STAU2: variants seen among roughly 807,000 people sequenced by gnomAD.
STAU2 encodes the protein staufen double-stranded RNA binding protein 2.
In STAU2, 20 loss-of-function variants were observed where a neutral mutation model predicts 65.9. That is an observed-to-expected ratio of 0.30 (90% confidence interval 0.21 to 0.44). The LOEUF is 0.44. Ranked by LOEUF, STAU2 falls within the 20% of genes least tolerant of loss-of-function variation. STAU2 has a pLI of 1.00. For synonymous variants in STAU2, 232 were observed against 233.9 expected (o/e 0.99, Z 0.07); for missense variants, 558 against 683.9 (o/e 0.82, Z 2.05).
At chr8:73,433,404 C>T (rs1034019443) in intron 13 of STAU2, among the ~76,000 whole-genome samples, 1 of 151,458 alleles carries the variant, frequency 6.6e-6, no homozygotes, top group Admixed American at 6.6e-5. Context: ...TGGGGTTTCA[C>T]CATGTTGGCC....
chr8:73,573,430 A>T (rs958620843), intron 12 of STAU2, among the ~76,000 whole-genome samples: 1 of 152,238 alleles, frequency 6.6e-6, no homozygotes, highest in African/African-American at 2.4e-5. Context: ...ACCAAAAAAG[A>T]GCCTGCATTG....
intron 12 of STAU2, among the ~76,000 whole-genome samples, chr8:73,559,399 C>A (rs894304136): frequency 6.6e-6 from 1 of 152,230 alleles, no homozygotes; most frequent in Admixed American, 6.5e-5. Context: ...TGAGGATAAG[C>A]AGGGCTGGCA....
chr8:73,667,570 C>G (rs903401235), intron 6 of STAU2, among the ~76,000 whole-genome samples: 6 of 152,186 alleles, frequency 3.9e-5, no homozygotes, highest in Non-Finnish European at 7.3e-5. Context: ...TCCTGGAAGG[C>G]TTCTTTGGTG....
At chr8:73,552,982 A>G (rs1807445705) in intron 12 of STAU2, among the ~76,000 whole-genome samples, 1 of 152,236 alleles carries the variant, frequency 6.6e-6, no homozygotes, top group African/African-American at 2.4e-5. Flanking sequence ...GCAAGTAGTT[A>G]TCGTGTTGCT....
intron 1 of STAU2, among the ~76,000 whole-genome samples, chr8:73,745,399 A>C (rs966289439): frequency 6.6e-6 from 1 of 152,224 alleles, no homozygotes; most frequent in Non-Finnish European, 1.5e-5. Context: ...TCATCTAAAG[A>C]AAGCAAGGAC....
chr8:73,453,253 A>G (rs73318774), intron 13 of STAU2, among the ~76,000 whole-genome samples: 3,762 of 152,342 alleles, frequency 0.025, 148 homozygotes, highest in African/African-American at 0.087. Flanking sequence ...GATTTTTAAA[A>G]AAGAGGTTGG....
At chr8:73,722,535 T>C (rs776569259) in intron 3 of STAU2, among the ~76,000 whole-genome samples, 4 of 152,248 alleles carry the variant, frequency 2.6e-5, no homozygotes, top group Non-Finnish European at 4.4e-5. Context: ...TACAGAATTA[T>C]AGATTGACAT....
At chr8:73,522,611 C>G (rs1023836704) in intron 13 of STAU2, among the ~76,000 whole-genome samples, 1 of 152,162 alleles carries the variant, frequency 6.6e-6, no homozygotes, top group African/African-American at 2.4e-5. Context: ...CTCATGTTTG[C>G]TGAGAAATCT....
At chr8:73,741,376 C>T (rs913381929) in intron 1 of STAU2, among the ~76,000 whole-genome samples, 2 of 151,698 alleles carry the variant, frequency 1.3e-5, no homozygotes, top group African/African-American at 4.9e-5. Flanking sequence ...TATTAGTATA[C>T]GTTGCTAAAG....
chr8:73,569,551 C>A (rs1248181592), intron 12 of STAU2, among the ~76,000 whole-genome samples: 1 of 152,006 alleles, frequency 6.6e-6, no homozygotes, highest in Non-Finnish European at 1.5e-5. Context: ...AACTGGGAGA[C>A]ACCTTCCAGT....
intron 13 of STAU2, among the ~76,000 whole-genome samples, chr8:73,427,100 G>A (rs111714625): frequency 0.023 from 3,551 of 151,760 alleles, 132 homozygotes; most frequent in African/African-American, 0.081. Context: ...GATTACTTTT[G>A]TGTTTTTAGT....
At chr8:73,461,039 T>C (rs1329600511) in intron 13 of STAU2, among the ~76,000 whole-genome samples, 1 of 152,182 alleles carries the variant, frequency 6.6e-6, no homozygotes, top group Admixed American at 6.5e-5. Context: ...GGTAACTGTG[T>C]GCCAAGTTCT....
intron 13 of STAU2, among the ~76,000 whole-genome samples, chr8:73,542,241 A>C (rs1371082576): frequency 3.3e-5 from 5 of 152,138 alleles, no homozygotes; most frequent in African/African-American, 1.2e-4. Context: ...AAAACACAAC[A>C]TGACATACAT....
chr8:73,690,328 C>CAGAAAAAAAAA (rs1819240679), intron 4 of STAU2, among the ~76,000 whole-genome samples: 1 of 58,256 alleles, frequency 1.7e-5, no homozygotes, highest in Non-Finnish European at 3.3e-5. Context: ...GACTCTGTCT[C>CAGAAAAAAAAA]AAAAAAAAAA....
chr8:73,474,329 C>A (rs1443109480), intron 13 of STAU2, among the ~76,000 whole-genome samples: 1 of 152,002 alleles, frequency 6.6e-6, no homozygotes, highest in Non-Finnish European at 1.5e-5. Flanking sequence ...TTATAAAATG[C>A]AAATAAAAGT....
chr8:73,659,308 C>T (rs186382604), intron 6 of STAU2, among the ~76,000 whole-genome samples: 13 of 152,176 alleles, frequency 8.5e-5, no homozygotes, highest in Admixed American at 6.5e-4. Context: ...GAGGCTGAGG[C>T]GGGCAGATCA....
intron 13 of STAU2, among the ~76,000 whole-genome samples, chr8:73,461,197 A>G (rs1204272978): frequency 6.6e-6 from 1 of 152,176 alleles, no homozygotes; most frequent in Non-Finnish European, 1.5e-5. Context: ...GACAATGCAC[A>G]CAAAGTATTT....
At chr8:73,614,862 T>C (rs1812720415) in intron 8 of STAU2, among the ~76,000 whole-genome samples, 1 of 152,186 alleles carries the variant, frequency 6.6e-6, no homozygotes, top group Non-Finnish European at 1.5e-5. Context: ...ATTCTCTCCC[T>C]GACTTCCTCA....
intron 13 of STAU2, among the ~76,000 whole-genome samples, chr8:73,509,941 T>A (rs965632134): frequency 6.6e-6 from 1 of 152,238 alleles, no homozygotes; most frequent in African/African-American, 2.4e-5. Context: ...GCTTATTTTT[T>A]AAATTTCACA....
Sources: allele counts gnomAD v4.1 joint callset (sites outside exome capture counted in the v4.1 genomes callset), GRCh38; gene constraint gnomAD v4.1.1; transcripts MANE v1.5; gene names NCBI Gene and HGNC (gene_info 2026-07-23, HGNC 2026-07-21).